The following HS3ST5 variants were observed in gnomAD, a reference collection of about 807,000 sequenced individuals.
HS3ST5 encodes the protein heparan sulfate-glucosamine 3-sulfotransferase 5.
Under a neutral mutation model 25.4 loss-of-function variants are expected in HS3ST5, and 10 were observed. That is an observed-to-expected ratio of 0.39 (90% CI 0.24 to 0.67). The LOEUF (loss-of-function observed/expected upper bound fraction) is 0.67. Among genes scored for constraint, HS3ST5 ranks in the 30% least tolerant of loss-of-function variants. HS3ST5 has a pLI of 0.44. For synonymous variants in HS3ST5, 170 were observed against 162.4 expected (o/e 1.05, Z -0.36); for missense variants, 324 against 420.7 (o/e 0.77, Z 2.01).
chr6:114,209,922 G>T (rs962267503), intron 2 of HS3ST5, among the ~76,000 whole-genome samples: 1 of 152,056 alleles, frequency 6.6e-6, no homozygotes, highest in Non-Finnish European at 1.5e-5. Flanking sequence ...AATAGCATAA[G>T]GTGAACTTTC....
At chr6:114,330,009 C>T (rs937389934) in intron 1 of HS3ST5, among the ~76,000 whole-genome samples, 3 of 152,132 alleles carry the variant, frequency 2.0e-5, no homozygotes, top group Non-Finnish European at 4.4e-5. Context: ...CATTCTTCTT[C>T]CTGCTACTCC....
At chr6:114,330,562 A>G (rs993886606) in intron 1 of HS3ST5, among the ~76,000 whole-genome samples, 6 of 152,316 alleles carry the variant, frequency 3.9e-5, no homozygotes, top group East Asian at 1.9e-4. Context: ...GATGGTTACA[A>G]TGGGGAGAAC....
At position 114,279,655 on chromosome 6, in the gene HS3ST5, A is replaced by T. The variant is rs188287407; in HGVS notation, c.-338-50877T>A. Among the ~76,000 whole-genome samples, 7 of 152,086 alleles carry T rather than the reference A, an allele frequency of 4.6e-5. No homozygotes were observed. In the East Asian group the frequency reaches 1.4e-3, roughly 30 times the overall value. ...TGAAAACCTCCTCATTATGGTCAGG[A>T]CATGGCCCCGGTATGGCTGGATTTA... On this transcript the variant is annotated intron_variant, in intron 1 of 4. Coordinates refer to ENST00000312719, the MANE Select transcript of HS3ST5 (RefSeq NM_153612.4).
At position 114,273,237 on chromosome 6, in the gene HS3ST5, T is replaced by C. The variant is rs190727974; in HGVS notation, c.-338-44459A>G. On this transcript the variant is annotated intron_variant, in intron 1 of 4. Transcript: ENST00000312719. ...AACAAGGTAATCCTGATGAATTAGA[T>C]GTAAAGTATGAGAGAAAAACCCTTT... 2.2e-3 allele frequency among the ~76,000 whole-genome samples: 340 copies of C among 152,062 alleles called. 2 individuals are homozygous for C. The highest frequency in any genetic ancestry group is 7.9e-3 in the African/African-American group (329 of 41,520).
intron 1 of HS3ST5, among the ~76,000 whole-genome samples, chr6:114,233,360 T>C (rs992874172): frequency 6.6e-6 from 1 of 151,984 alleles, no homozygotes; most frequent in Non-Finnish European, 1.5e-5. Flanking sequence ...CTGAATATTT[T>C]TCAAAAGCTT....
In HS3ST5 at chr6:114,261,833, T is replaced by C. The variant is rs145891451; in HGVS notation, c.-338-33055A>G. Among the ~76,000 whole-genome samples, 953 of 152,312 alleles carry C rather than the reference T, an allele frequency of 6.3e-3. 4 individuals are homozygous for C. Among genetic ancestry groups the C allele is most frequent in the Middle Eastern group, 0.027 (8 of 294 alleles). The stretch of plus-strand genomic sequence containing the variant: ...TTAAAAATCTGCAGGAGAGTGTTTC[T>C]GCCTCCATATTTATTCATTTGTCAA... On this transcript the variant is annotated intron_variant, in intron 1 of 4. Transcript: ENST00000312719.
intron 3 of HS3ST5, among the ~76,000 whole-genome samples, chr6:114,166,580 A>G (rs1470700912): frequency 6.6e-6 from 1 of 152,194 alleles, no homozygotes; most frequent in Non-Finnish European, 1.5e-5. Flanking sequence ...TTTTATAGAT[A>G]ATGATACTGT....
chr6:114,167,881 TGTGG>T (rs1366743267), intron 3 of HS3ST5, among the ~76,000 whole-genome samples: 2 of 152,148 alleles, frequency 1.3e-5, no homozygotes, highest in Non-Finnish European at 2.9e-5. Context: ...ATTGTTGTGA[TGTGG>T]GTGACCTTTG....
intron 1 of HS3ST5, among the ~76,000 whole-genome samples, chr6:114,301,003 G>A (rs1334665377): frequency 6.6e-6 from 1 of 152,190 alleles, no homozygotes; most frequent in Non-Finnish European, 1.5e-5. Context: ...GTACGTTGGA[G>A]TGGGGGAGTC....
At chr6:114,167,962 AGAT>A (rs1312477481) in intron 3 of HS3ST5, among the ~76,000 whole-genome samples, 18 of 152,196 alleles carry the variant, frequency 1.2e-4, no homozygotes, top group African/African-American at 3.9e-4. Context: ...AAGATATTTC[AGAT>A]AATAGGAACA....
At chr6:114,261,124 G>A (rs1014548024) in intron 1 of HS3ST5, among the ~76,000 whole-genome samples, 8 of 152,228 alleles carry the variant, frequency 5.3e-5, no homozygotes, top group South Asian at 2.1e-4. Flanking sequence ...TGAGGAGTGC[G>A]CAACAGTGCA....
At chr6:114,239,554 C>T (rs902167976) in intron 1 of HS3ST5, among the ~76,000 whole-genome samples, 9 of 152,180 alleles carry the variant, frequency 5.9e-5, no homozygotes, top group African/African-American at 2.2e-4. Flanking sequence ...TGTTCAGCCA[C>T]AGTTAGGAGA....
intron 2 of HS3ST5, among the ~76,000 whole-genome samples, chr6:114,171,727 C>T (rs1035263754): frequency 3.9e-5 from 6 of 152,122 alleles, no homozygotes; most frequent in Non-Finnish European, 7.4e-5. Context: ...CAGTGCTGCC[C>T]CTTACTGTCT....
chr6:114,314,792 C>T (rs1053354121), intron 1 of HS3ST5, among the ~76,000 whole-genome samples: 3 of 152,166 alleles, frequency 2.0e-5, no homozygotes, highest in Non-Finnish European at 4.4e-5. Flanking sequence ...AGTAGGTACA[C>T]ATGAAAGCTT....
chr6:114,334,979 C>T (rs1207156097), intron 1 of HS3ST5, among the ~76,000 whole-genome samples: 1 of 152,076 alleles, frequency 6.6e-6, no homozygotes, highest in Non-Finnish European at 1.5e-5. Flanking sequence ...TTAAATTACT[C>T]TTTTGTTCAT....
Position 114,057,278 on chromosome 6 carries a change from C to T in HS3ST5, c.1020G>A (p.Gly340=), listed in dbSNP as rs1772822126. The T allele has an allele frequency of 6.2e-7, 1 of 1,613,002 alleles. No homozygotes were observed. The highest frequency in any genetic ancestry group is 1.7e-4 in the Middle Eastern group (1 of 6,060). The change falls in exon 5 of 5, where the codon GGG becomes GGA. Residue 340 remains glycine, a synonymous_variant. Transcript: ENST00000312719. ...TATTTTAGGGCCAGTTCAATGTCCT[C>T]CCAGTGATCTGGTAAAATTTTTGAT... ...PFNQKFYQIT[G]RTLNWP is the part of the protein sequence containing the mutation.
chr6:114,208,223 G>C (rs1323915733), intron 2 of HS3ST5, among the ~76,000 whole-genome samples: 1 of 152,120 alleles, frequency 6.6e-6, no homozygotes, highest in African/African-American at 2.4e-5. Context: ...GGGAGCTTCT[G>C]AGTGTTGGTG....
chr6:114,328,382 TCACA>T (rs1291776457), intron 1 of HS3ST5, among the ~76,000 whole-genome samples: 1 of 152,090 alleles, frequency 6.6e-6, no homozygotes, highest in Non-Finnish European at 1.5e-5. Context: ...TTCCTACCCA[TCACA>T]CACACAGACT....
chr6:114,112,150 C>T (rs575904887), intron 3 of HS3ST5, among the ~76,000 whole-genome samples: 1 of 152,300 alleles, frequency 6.6e-6, no homozygotes, highest in East Asian at 1.9e-4. Context: ...GAGCTAATCC[C>T]TGGATGTGTG....
Sources: gnomAD v4.1 joint callset for allele counts (sites outside exome capture counted in the v4.1 genomes callset) on GRCh38, gnomAD v4.1.1 for gene constraint, MANE v1.5 for transcripts, NCBI Gene and HGNC (gene_info 2026-07-23, HGNC 2026-07-21) for gene names.